MYLK4: variants seen among roughly 807,000 people sequenced by gnomAD.
The protein encoded by MYLK4 is caMLCK like.
A neutral mutation model predicts 48.1 loss-of-function variants in MYLK4; 46 were observed. The observed-to-expected ratio is 0.96, with a 90% CI of 0.75 to 1.22. The LOEUF (loss-of-function observed/expected upper bound fraction) is 1.22. Ranked by LOEUF, MYLK4 falls within the 50% of genes most tolerant of loss-of-function variation. The pLI is 0.00. For missense variants in MYLK4, 451 were observed against 486.1 expected (o/e 0.93, Z 0.68); for synonymous variants, 170 against 180.8 (o/e 0.94, Z 0.48).
intron 2 of MYLK4, among the ~76,000 whole-genome samples, chr6:2,708,841 C>T (rs1486860610): frequency 1.3e-5 from 2 of 152,152 alleles, no homozygotes; most frequent in Non-Finnish European, 2.9e-5. Flanking sequence ...TATCTGATTT[C>T]TTTCTAAATA....
chr6:2,692,759 C>G (rs1047170113), intron 3 of MYLK4, 25 bp downstream of exon 3: 1 of 1,604,056 alleles, frequency 6.2e-7, no homozygotes, highest in Admixed American at 1.7e-5. Flanking sequence ...TCATCCATAA[C>G]TATCTACTTT....
the MYLK4 span, among the ~76,000 whole-genome samples, chr6:2,763,416 C>T: frequency 2.5e-4 from 38 of 152,338 alleles, no homozygotes; most frequent in Non-Finnish European, 4.3e-4. Flanking sequence ...GCTTGGGCCG[C>T]GCAGGAGTCC....
At chr6:2,765,685 C>A in the MYLK4 span, 1 of 1,550,710 alleles carries the variant, frequency 6.4e-7, no homozygotes, top group Non-Finnish European at 8.6e-7. Context: ...TGCAGTGCCC[C>A]GTGTGCCAGC....
chr6:2,692,728 A>G, intron 3 of MYLK4, 56 bp downstream of exon 3: 1 of 1,496,076 alleles, frequency 6.7e-7, no homozygotes, highest in Non-Finnish European at 9.2e-7. Context: ...TAACAACAGG[A>G]CTTTTATAAC....
At chr6:2,710,513 T>C (rs1762635843) in intron 2 of MYLK4, among the ~76,000 whole-genome samples, 1 of 152,252 alleles carries the variant, frequency 6.6e-6, no homozygotes, top group Non-Finnish European at 1.5e-5. Flanking sequence ...TTATCCATCA[T>C]GATTGCTTAA....
At chr6:2,756,090 C>T in the MYLK4 span, among the ~76,000 whole-genome samples, 2 of 152,030 alleles carry the variant, frequency 1.3e-5, no homozygotes, top group Admixed American at 1.3e-4. Flanking sequence ...AATGCATCAC[C>T]CAACGTTTCT....
intron 3 of MYLK4, 50 bp from the exon 4 acceptor site, chr6:2,689,006 G>C (rs369010638): frequency 1.5e-4 from 225 of 1,458,344 alleles, no homozygotes; most frequent in Non-Finnish European, 2.1e-4. Context: ...GTCTGACCTC[G>C]TTAAGGCAGC....
intron 2 of MYLK4, among the ~76,000 whole-genome samples, chr6:2,704,842 A>G (rs1762429306): frequency 6.6e-6 from 1 of 152,238 alleles, no homozygotes; most frequent in African/African-American, 2.4e-5. Context: ...TTTTACTATT[A>G]AAGTCCTTTA....
At chr6:2,692,641 A>AGG (rs1554127783) in intron 3 of MYLK4, 143 bp downstream of exon 3, 10 of 313,044 alleles carry the variant, frequency 3.2e-5, no homozygotes, top group South Asian at 9.6e-5. Flanking sequence ...AAAAAAAAAA[A>AGG]AGGGGGGGGG....
At chr6:2,671,387 G>C (rs374082161) in intron 11 of MYLK4, 39 bp from the exon 12 acceptor site, 2 of 1,579,490 alleles carry the variant, frequency 1.3e-6, no homozygotes, top group Non-Finnish European at 1.7e-6. Context: ...GATTAGGACT[G>C]TTTCCTTCAG....
chr6:2,765,989 A>G, the MYLK4 span: 2 of 1,390,724 alleles, frequency 1.4e-6, no homozygotes, highest in Non-Finnish European at 9.3e-7. Context: ...CGCCCGCCTT[A>G]TCCCCGACTT....
chr6:2,677,677 A>C (rs1298551379), intron 10 of MYLK4, among the ~76,000 whole-genome samples: 2 of 152,238 alleles, frequency 1.3e-5, no homozygotes, highest in Non-Finnish European at 2.9e-5. Context: ...CCGTTGGGGA[A>C]GGAGAACTAT....
In MYLK4 at chr6:2,671,159, C is replaced by T. The variant is rs573975004; in HGVS notation, c.*25+117G>A. 167 of 702,298 alleles carry T rather than the reference C, an allele frequency of 2.4e-4. 2 individuals carry two copies. Among genetic ancestry groups the T allele is most frequent in the South Asian group, 1.4e-3 (77 of 54,110 alleles). 43.5% of individuals were successfully genotyped at this position (702,298 alleles called of 1,614,324 possible). On this transcript the variant is annotated intron_variant, in intron 12 of 12. Coordinates refer to ENST00000274643, the MANE Select transcript of MYLK4 (RefSeq NM_001012418.5). The stretch of plus-strand genomic sequence containing the variant: ...AGCAGTCTGATTTCAGGGCCCTCCA[C>T]GCCAGCCAAAACGCTGCTCTTCTTC...
intron 7 of MYLK4, among the ~76,000 whole-genome samples, chr6:2,682,462 G>A (rs1761346728): frequency 6.6e-6 from 1 of 152,128 alleles, no homozygotes; most frequent in African/African-American, 2.4e-5. Flanking sequence ...ATTGGCAGTG[G>A]GGTGCCCACC....
chr6:2,679,213 A>T, intron 9 of MYLK4, 67 bp downstream of exon 9: 1 of 1,588,326 alleles, frequency 6.3e-7, no homozygotes, highest in Non-Finnish European at 8.6e-7. Flanking sequence ...TTTTATTTAA[A>T]ACGGCAAAAC....
At chr6:2,731,235 T>C (rs1763468472) in intron 2 of MYLK4, among the ~76,000 whole-genome samples, 1 of 150,762 alleles carries the variant, frequency 6.6e-6, no homozygotes, top group Non-Finnish European at 1.5e-5. Flanking sequence ...CTGGAACTGC[T>C]AGAATGAACT....
intron 2 of MYLK4, among the ~76,000 whole-genome samples, chr6:2,735,720 C>G (rs533949140): frequency 1.3e-5 from 2 of 152,078 alleles, no homozygotes; most frequent in East Asian, 3.9e-4. Flanking sequence ...CGTATGTAGT[C>G]GATGCAAACT....
chr6:2,758,367 T>C, the MYLK4 span, among the ~76,000 whole-genome samples: 2 of 151,220 alleles, frequency 1.3e-5, no homozygotes, highest in East Asian at 1.9e-4. Flanking sequence ...CATATGTATA[T>C]ATGAAATACA....
chr6:2,683,267 T>G, intron 6 of MYLK4, 105 bp from the exon 7 acceptor site: 1 of 1,240,452 alleles, frequency 8.1e-7, no homozygotes. Flanking sequence ...TTCTGAAAGG[T>G]GTATGTGCAG....
Sources: allele counts gnomAD v4.1 joint callset (sites outside exome capture counted in the v4.1 genomes callset), GRCh38; gene constraint gnomAD v4.1.1; transcripts MANE v1.5; gene names NCBI Gene and HGNC (gene_info 2026-07-23, HGNC 2026-07-21).